ATP10D: variants seen among roughly 807,000 people sequenced by gnomAD.
The protein encoded by ATP10D is ATPase phospholipid transporting 10D (putative).
A neutral mutation model predicts 144.8 loss-of-function variants in ATP10D; 89 were observed. The ratio of observed to expected loss-of-function variants is 0.61; its 90% confidence interval spans 0.52 to 0.73. The LOEUF is 0.73. Among genes scored for constraint, ATP10D ranks in the 30% least tolerant of loss-of-function variants. ATP10D has a pLI of 0.00. For synonymous variants in ATP10D, 571 were observed against 615.1 expected (o/e 0.93, Z 1.06); for missense variants, 1,603 against 1,714.8 (o/e 0.93, Z 1.15).
intron 3 of ATP10D, 80 bp downstream of exon 3, chr4:47,515,750 G>A (rs1716645174): frequency 1.7e-6 from 2 of 1,153,796 alleles, no homozygotes; most frequent in South Asian, 1.6e-5. Flanking sequence ...TTCTCCTTAG[G>A]TGTGACCAGG....
chr4:47,488,697 G>A (rs1241837312), intron 1 of ATP10D, among the ~76,000 whole-genome samples: 4 of 151,400 alleles, frequency 2.6e-5, no homozygotes, highest in East Asian at 3.9e-4. Flanking sequence ...AAAGCAGTGC[G>A]AGATTGCTAT....
intron 3 of ATP10D, among the ~76,000 whole-genome samples, chr4:47,520,004 A>G (rs1400931401): frequency 6.6e-6 from 1 of 152,244 alleles, no homozygotes; most frequent in Non-Finnish European, 1.5e-5. Flanking sequence ...TACATGCTAC[A>G]AATGGGGAAA....
At chr4:47,571,981 A>T (rs1328773630) in intron 16 of ATP10D, among the ~76,000 whole-genome samples, 173 bp from the exon 17 acceptor site, 1 of 152,192 alleles carries the variant, frequency 6.6e-6, no homozygotes, top group Non-Finnish European at 1.5e-5. Flanking sequence ...ATTCTTCCTG[A>T]TGGCAGTGGG....
At position 47,485,511 on chromosome 4, in the gene ATP10D, G is replaced by A. The variant is rs1404662769; in HGVS notation, c.-46G>A. On this transcript the variant is annotated 5_prime_UTR_variant, in exon 1 of 23. Coordinates refer to ENST00000273859, the MANE Select transcript of ATP10D (RefSeq NM_020453.4). ...CAACATGCTGTGATGTGTGCCGAGG[G>A]AGGAATTGGTAAGAGTGAGACGGCG... 5 of 152,036 alleles carry A rather than the reference G, an allele frequency of 3.3e-5. No homozygotes were observed. The highest frequency in any genetic ancestry group is 6.6e-5 in the Admixed American group (1 of 15,262). 9.4% of individuals were successfully genotyped at this position (152,036 alleles called of 1,614,324 possible). A position where few individuals can be genotyped will look rare whatever the true frequency, so the allele number is the denominator to read the frequency against.
chr4:47,536,980 C>A, intron 9 of ATP10D, 42 bp downstream of exon 9: 2 of 1,553,012 alleles, frequency 1.3e-6, no homozygotes, highest in South Asian at 1.2e-5. Flanking sequence ...TAGCATTGGT[C>A]TTTTTTTGAA....
At chr4:47,513,178 C>G (rs9998596) in intron 2 of ATP10D, among the ~76,000 whole-genome samples, 8 of 152,076 alleles carry the variant, frequency 5.3e-5, no homozygotes, top group African/African-American at 1.9e-4. Flanking sequence ...TCCATGAAAC[C>G]ACGCGCATTT....
chr4:47,524,324 T>C (rs571030235), intron 4 of ATP10D, among the ~76,000 whole-genome samples: 2 of 152,282 alleles, frequency 1.3e-5, no homozygotes, highest in Admixed American at 1.3e-4. Context: ...CCTTTATCTT[T>C]GGTAAATTTC....
Position 47,512,683 on chromosome 4 carries a change from G to A in ATP10D, c.143G>A (p.Gly48Glu), listed in dbSNP as rs1278870211. 1.2e-6 allele frequency: 2 copies of A among 1,614,222 alleles called. No homozygotes were observed. The highest frequency in any genetic ancestry group is 1.7e-6 in the Non-Finnish European group (2 of 1,180,036). ...TCCTCTCAGACCCCTAAACTGTCAGGAAGGCACCGGATTGTTGTTCCCCAC... is the reference window on the plus strand; with the variant it reads ...TCCTCTCAGACCCCTAAACTGTCAGAAAGGCACCGGATTGTTGTTCCCCAC... ...RKSSQTPKLS[G>E]RHRIVVPHIQ... The change falls in exon 2 of 23, where the codon GGA becomes GAA. Residue 48 changes from glycine (G) to glutamate (E), a missense_variant. Gly to Glu is a moderately conservative substitution (Grantham distance 98). Transcript: ENST00000273859.
chr4:47,564,892 C>A (rs909282938), intron 15 of ATP10D, among the ~76,000 whole-genome samples: 1 of 152,158 alleles, frequency 6.6e-6, no homozygotes, highest in Non-Finnish European at 1.5e-5. Flanking sequence ...TCTTGTGGAG[C>A]TTTTCTTCAG....
At chr4:47,566,667 T>C (rs1462159249) in intron 15 of ATP10D, among the ~76,000 whole-genome samples, 1 of 152,192 alleles carries the variant, frequency 6.6e-6, no homozygotes, top group Non-Finnish European at 1.5e-5. Context: ...TCTCCTTATT[T>C]GTAGAGTTAT....
chr4:47,554,788 C>G lies in ATP10D; in HGVS notation c.1698C>G (p.Leu566=), dbSNP rs1346988072. 2 of 1,613,980 alleles carry G rather than the reference C, an allele frequency of 1.2e-6. No individual in the cohort carries two copies. Among genetic ancestry groups the G allele is most frequent in the Admixed American group, 1.7e-5 (1 of 60,000 alleles). The change falls in exon 11 of 23, where the codon CTC becomes CTG. Residue 566 remains leucine (L), a synonymous_variant. Transcript: ENST00000273859. ...AATTTAGTCAGATTACACCTCGGCT[C>G]TTTATGCCACTAGATGAGACCATCC... ...LDKFSQITPR[L]FMPLDETIQN...
intron 9 of ATP10D, among the ~76,000 whole-genome samples, chr4:47,543,905 C>T (rs1718287157): frequency 6.6e-6 from 1 of 151,988 alleles, no homozygotes; most frequent in Admixed American, 6.6e-5. Flanking sequence ...ACTTCCTACC[C>T]CACAACTTTC....
At chr4:47,532,967 G>C (rs1717645996) in intron 5 of ATP10D, among the ~76,000 whole-genome samples, 1 of 152,042 alleles carries the variant, frequency 6.6e-6, no homozygotes, top group Non-Finnish European at 1.5e-5. Context: ...AACTCTGAAG[G>C]TACCATACCG....
intron 14 of ATP10D, among the ~76,000 whole-genome samples, chr4:47,562,989 G>A (rs1034604228): frequency 1.3e-5 from 2 of 152,102 alleles, no homozygotes; most frequent in African/African-American, 4.8e-5. Flanking sequence ...AGTACCACAC[G>A]TTCTCACTTA....
intron 9 of ATP10D, among the ~76,000 whole-genome samples, chr4:47,537,684 CAAT>C (rs1004835420): frequency 2.6e-5 from 4 of 152,046 alleles, no homozygotes; most frequent in African/African-American, 9.7e-5. Context: ...TTTTATTCAA[CAAT>C]GTCTTATGAA....
chr4:47,580,071 A>G (rs1177633476), intron 19 of ATP10D, among the ~76,000 whole-genome samples: 1 of 152,230 alleles, frequency 6.6e-6, no homozygotes, highest in Non-Finnish European at 1.5e-5. Context: ...AGAAATGGAT[A>G]GAGTTGGAGA....
At chr4:47,566,636 T>C (rs1388345671) in intron 15 of ATP10D, among the ~76,000 whole-genome samples, 2 of 152,168 alleles carry the variant, frequency 1.3e-5, no homozygotes, top group Non-Finnish European at 2.9e-5. Flanking sequence ...ATATATTACA[T>C]ATTACATATA....
rs375885788 is a variant in ATP10D at position 47,536,482 on chromosome 4, A to G, written c.1061A>G (p.Asn354Ser). The change falls in exon 8 of 23, where the codon AAT becomes AGT. Residue 354 changes from asparagine (N) to serine (S), a missense_variant. By Grantham distance (46) the Asn-to-Ser change is conservative. Coordinates refer to ENST00000273859, the MANE Select transcript of ATP10D (RefSeq NM_020453.4). ...LSRYEKMHFF[N>S]VPEPDGHIIS... ...AGGTATGAAAAGATGCATTTTTTCA[A>G]TGTTCCCGAGCCTGATGGACATATC... is the stretch of plus-strand genomic sequence containing the variant. The G allele has an allele frequency of 1.2e-6, 2 of 1,613,528 alleles. No individual in the cohort carries two copies. The highest frequency in any genetic ancestry group is 1.7e-6 in the Non-Finnish European group (2 of 1,179,580).
chr4:47,590,983 G>T, intron 22 of ATP10D, 59 bp from the exon 23 acceptor site: 3 of 1,190,786 alleles, frequency 2.5e-6, no homozygotes, highest in Non-Finnish European at 2.3e-6. Context: ...ATTTGGGGGG[G>T]GGGGTTCTGT....
Sources: allele counts gnomAD v4.1 joint callset (sites outside exome capture counted in the v4.1 genomes callset), GRCh38; gene constraint gnomAD v4.1.1; transcripts MANE v1.5; gene names NCBI Gene and HGNC (gene_info 2026-07-23, HGNC 2026-07-21).